The following NRG2 variants were observed in gnomAD, a reference collection of about 807,000 sequenced individuals.
The protein encoded by NRG2 is neuregulin 2, also known as pro-neuregulin-2, membrane-bound isoform.
NRG2 carries 27 observed loss-of-function variants against 73.9 expected under a neutral mutation model. That is an observed-to-expected ratio of 0.37 (90% CI 0.27 to 0.50). NRG2 has a LOEUF of 0.50. Among genes scored for constraint, NRG2 ranks in the 20% least tolerant of loss-of-function variants. NRG2 has a pLI of 0.96. For missense variants in NRG2, 1,126 were observed against 1,210.1 expected, an observed-to-expected ratio of 0.93 and a Z score of 1.03; for synonymous variants, 532 against 541.0, an observed-to-expected ratio of 0.98 and a Z score of 0.23.
At position 139,997,377 on chromosome 5, in the gene NRG2, C is replaced by G. The variant is rs139582367; in HGVS notation, c.700+44993G>C. 3.3e-5 allele frequency among the ~76,000 whole-genome samples: 5 copies of G among 152,330 alleles called. No individual in the cohort carries two copies. The East Asian group carries it at 9.6e-4, about 29-fold the overall frequency. ...TAAACAATCAAAATTCTGACTATAA[C>G]TCAAAGAGCAGCAGAAATAACTGGA... is the stretch of plus-strand genomic sequence containing the variant. On this transcript the variant is annotated intron_variant, in intron 1 of 9. Coordinates refer to ENST00000361474, the MANE Select transcript of NRG2 (RefSeq NM_004883.3).
intron 1 of NRG2, among the ~76,000 whole-genome samples, chr5:139,898,260 G>A (rs73271440): frequency 0.014 from 2,079 of 152,318 alleles, 50 homozygotes; most frequent in African/African-American, 0.048. Context: ...GAACAAGGCC[G>A]GAAGGAACCA....
chr5:139,919,877 T>C (rs950865853), intron 1 of NRG2, among the ~76,000 whole-genome samples: 18 of 152,228 alleles, frequency 1.2e-4, no homozygotes, highest in Admixed American at 2.6e-4. Context: ...GAAACAGCTA[T>C]GCAAGTCTCG....
At chr5:139,973,393 C>T (rs1340227516) in intron 1 of NRG2, among the ~76,000 whole-genome samples, 1 of 152,050 alleles carries the variant, frequency 6.6e-6, no homozygotes, top group Non-Finnish European at 1.5e-5. Flanking sequence ...GGTCTCACTC[C>T]GTTGCCTGGG....
intron 1 of NRG2, among the ~76,000 whole-genome samples, chr5:140,041,841 C>T (rs1011328038): frequency 6.6e-6 from 1 of 152,118 alleles, no homozygotes; most frequent in Non-Finnish European, 1.5e-5. Context: ...ATGAGCAGAG[C>T]AACGAGCCCA....
At position 140,043,297 on chromosome 5, in the gene NRG2, G is replaced by T; in HGVS notation, c.-228C>A. On this transcript the variant is annotated 5_prime_UTR_variant, in exon 1 of 10. Transcript: ENST00000361474. The surrounding 1 kb of genome is among the most constrained non-coding windows in gnomAD (Gnocchi z 6.7). ...CCCTGTGCGCCAGGACCTGGAGGAG[G>T]ATGCGGAGGATGGGACGCCCGCCCA... 1 of 540,236 alleles carries T rather than the reference G, an allele frequency of 1.9e-6. No individual in the cohort carries two copies. The highest frequency in any genetic ancestry group is 3.2e-6 in the Non-Finnish European group (1 of 310,090). 33.5% of individuals were successfully genotyped at this position (540,236 alleles called of 1,614,324 possible). A position where few individuals can be genotyped will look rare whatever the true frequency, so the allele number is the denominator to read the frequency against.
At chr5:139,979,112 T>C (rs1366530430) in intron 1 of NRG2, among the ~76,000 whole-genome samples, 4 of 149,822 alleles carry the variant, frequency 2.7e-5, no homozygotes, top group African/African-American at 4.9e-5. Context: ...GGAGGGATAG[T>C]ATTAGGAGAT....
At chr5:139,976,707 A>G (rs1756407912) in intron 1 of NRG2, among the ~76,000 whole-genome samples, 1 of 152,254 alleles carries the variant, frequency 6.6e-6, no homozygotes, top group Admixed American at 6.5e-5. Flanking sequence ...AGAAGGTACT[A>G]AAACACCACC....
In NRG2 at chr5:139,852,534, G is replaced by A; in HGVS notation, c.1442C>T (p.Thr481Ile). 1 of 1,614,176 alleles carries A rather than the reference G, an allele frequency of 6.2e-7. No individual in the cohort carries two copies. Among genetic ancestry groups the A allele is most frequent in the Non-Finnish European group, 8.5e-7 (1 of 1,180,016 alleles). Residue 481 changes from threonine (T) to isoleucine (I), a missense_variant, in exon 8 of 10, where the codon ACA (threonine) becomes ATA (isoleucine). Around this residue, in one of 3 missense-constraint regions of NRG2, gnomAD observed 539 missense variants for 703.2 expected, o/e 0.77. Transcript: ENST00000361474. This position sits in a 1 kb window ranked among gnomAD's most constrained non-coding sequence, Gnocchi z 4.4. ...AGTTTCTCTCCTGATGACATGGTCT[G>A]TGGCTGGCACGTTCTTGGAAATATA... is the stretch of plus-strand genomic sequence containing the variant. ...ADYISKNVPATDHVIRRETET... is the reference protein window; with the variant it reads ...ADYISKNVPAIDHVIRRETET...
chr5:139,852,786 G>C lies in NRG2; in HGVS notation c.1416+118C>G. On this transcript the variant is annotated intron_variant, in intron 7 of 9. Transcript: ENST00000361474. This position sits in a 1 kb window ranked among gnomAD's most constrained non-coding sequence, Gnocchi z 4.4. ...AGCCATCCTGGTGAGGCAGTGCCTAGCAGGCAAGGCTGGCCATGGGATAGG... is the reference window on the plus strand; with the variant it reads ...AGCCATCCTGGTGAGGCAGTGCCTACCAGGCAAGGCTGGCCATGGGATAGG... The C allele has an allele frequency of 6.6e-7, 1 of 1,520,922 alleles. No individual in the cohort carries two copies. The highest frequency in any genetic ancestry group is 8.9e-7 in the Non-Finnish European group (1 of 1,122,290). 94.2% of individuals were successfully genotyped at this position (1,520,922 alleles called of 1,614,324 possible).
chr5:139,964,548 C>T (rs912647359), intron 1 of NRG2, among the ~76,000 whole-genome samples: 2 of 152,200 alleles, frequency 1.3e-5, no homozygotes, highest in Admixed American at 1.3e-4. Context: ...CAAACATTGC[C>T]ATAAACATGC....
In NRG2 at chr5:139,924,104, A is replaced by T. The variant is rs1478623226; in HGVS notation, c.701-36593T>A. ...CCCAGGATCACTAGGATGGATGAGT[A>T]AGGCCTGGTCCCATGTTCAGTTGCC... is the stretch of plus-strand genomic sequence containing the variant. On this transcript the variant is annotated intron_variant, in intron 1 of 9. Coordinates refer to ENST00000361474, the MANE Select transcript of NRG2 (RefSeq NM_004883.3). Among the ~76,000 whole-genome samples, 8 of 152,158 alleles carry T rather than the reference A, an allele frequency of 5.3e-5. 1 individual carries two copies.
chr5:140,002,442 G>A (rs1758560868), intron 1 of NRG2, among the ~76,000 whole-genome samples: 2 of 152,102 alleles, frequency 1.3e-5, no homozygotes, highest in Admixed American at 1.3e-4. Context: ...AATTTGAAGG[G>A]GTGAAAGAAG....
intron 1 of NRG2, among the ~76,000 whole-genome samples, chr5:139,992,506 G>A (rs2126597782): frequency 6.6e-6 from 1 of 152,080 alleles, no homozygotes; most frequent in South Asian, 2.1e-4. Context: ...ATGATAGGGG[G>A]ACCTTTGTTT....
intron 1 of NRG2, among the ~76,000 whole-genome samples, chr5:139,992,881 C>G (rs1000016829): frequency 8.6e-5 from 13 of 152,036 alleles, no homozygotes; most frequent in Non-Finnish European, 1.6e-4. Flanking sequence ...TCTCATAGTT[C>G]GCTCACCCAG....
At chr5:140,037,259 T>C (rs1050958899) in intron 1 of NRG2, among the ~76,000 whole-genome samples, 1 of 152,230 alleles carries the variant, frequency 6.6e-6, no homozygotes, top group Non-Finnish European at 1.5e-5. Context: ...ACAATAAGAA[T>C]TGCTGTATGG....
chr5:140,010,048 A>G (rs1156952753), intron 1 of NRG2, among the ~76,000 whole-genome samples: 1 of 152,204 alleles, frequency 6.6e-6, no homozygotes, highest in African/African-American at 2.4e-5. Flanking sequence ...CTGTAATCCC[A>G]ACACTCTGAG....
intron 1 of NRG2, among the ~76,000 whole-genome samples, chr5:139,981,741 C>T (rs1365311874): frequency 2.6e-5 from 4 of 152,240 alleles, no homozygotes; most frequent in African/African-American, 7.2e-5. Flanking sequence ...CAAAAAAAGA[C>T]TCTTGTCATG....
intron 1 of NRG2, among the ~76,000 whole-genome samples, chr5:139,912,123 G>A (rs763730064): frequency 1.3e-5 from 2 of 152,130 alleles, no homozygotes; most frequent in Non-Finnish European, 1.5e-5. Flanking sequence ...ATTCTGGGAG[G>A]TCAGGCTGCA....
At chr5:139,899,276 AG>A (rs146697572) in intron 1 of NRG2, among the ~76,000 whole-genome samples, 2,518 of 152,258 alleles carry the variant, frequency 0.017, 65 homozygotes, top group African/African-American at 0.058. Context: ...GGTGGGTGGG[AG>A]GGGGGCTTGA....
Sources: gnomAD v4.1 joint callset for allele counts (sites outside exome capture counted in the v4.1 genomes callset) on GRCh38, gnomAD v4.1.1 for gene constraint, gnomAD v4.1.1 regional missense constraint, Gnocchi (gnomAD v3.1) non-coding constraint, MANE v1.5 for transcripts, NCBI Gene and HGNC (gene_info 2026-07-23, HGNC 2026-07-21) for gene names.